GSE1: variants seen among roughly 807,000 people sequenced by gnomAD.
The protein encoded by GSE1 is Gse1 coiled-coil protein.
Under a neutral mutation model 112.6 loss-of-function variants are expected in GSE1, and 32 were observed. The observed-to-expected ratio is 0.28, with a 90% CI of 0.21 to 0.38. GSE1 has a LOEUF of 0.38. Ranked by LOEUF, GSE1 falls within the 10% of genes least tolerant of loss-of-function variation. GSE1 has a pLI of 1.00. For synonymous variants in GSE1, 1,115 were observed against 735.6 expected, an observed-to-expected ratio of 1.52 and a Z score of -8.35; for missense variants, 2,348 against 1,699.2, an observed-to-expected ratio of 1.38 and a Z score of -6.71.
chr16:85,361,406 C>T (rs1054940911), intron 2 of GSE1, among the ~76,000 whole-genome samples: 2 of 151,990 alleles, frequency 1.3e-5, no homozygotes, highest in Non-Finnish European at 2.9e-5. Context: ...CACAGACACA[C>T]ACACACAGGA....
chr16:85,296,963 G>T (rs892549624), intron 1 of GSE1, among the ~76,000 whole-genome samples: 1 of 152,214 alleles, frequency 6.6e-6, no homozygotes, highest in African/African-American at 2.4e-5. Flanking sequence ...GCCAGTGCCC[G>T]ATCTTTCCTC....
At chr16:85,238,147 G>T (rs1053261234) in intron 1 of GSE1, among the ~76,000 whole-genome samples, 2 of 152,150 alleles carry the variant, frequency 1.3e-5, no homozygotes, top group Non-Finnish European at 2.9e-5. Context: ...CTGGGGGTGG[G>T]TGGGTGCAGG....
At chr16:85,223,712 C>G (rs973578781) in intron 1 of GSE1, among the ~76,000 whole-genome samples, 1 of 151,846 alleles carries the variant, frequency 6.6e-6, no homozygotes, top group Non-Finnish European at 1.5e-5. Context: ...TCAAGCAATT[C>G]TCCTGCCTCA....
intron 2 of GSE1, among the ~76,000 whole-genome samples, chr16:85,476,666 C>T (rs554564929): frequency 1.3e-5 from 2 of 152,116 alleles, no homozygotes; most frequent in South Asian, 2.1e-4. Context: ...GACAGGGTCA[C>T]TCTGGCATCC....
chr16:85,316,717 C>T (rs963569675), intron 1 of GSE1, among the ~76,000 whole-genome samples: 3 of 152,236 alleles, frequency 2.0e-5, no homozygotes, highest in African/African-American at 4.8e-5. Context: ...GAGTCCCAAC[C>T]CCCATGGGGC....
upstream of GSE1, among the ~76,000 whole-genome samples, chr16:85,608,348 A>T (rs566628708): frequency 1.3e-5 from 2 of 151,998 alleles, no homozygotes; most frequent in East Asian, 3.9e-4. Flanking sequence ...TTGCCCCTGC[A>T]CCGGGGCTGG....
intron 2 of GSE1, among the ~76,000 whole-genome samples, chr16:85,462,441 A>G (rs1295158218): frequency 6.6e-6 from 1 of 151,784 alleles, no homozygotes; most frequent in East Asian, 2.0e-4. Flanking sequence ...CTGATGAAAA[A>G]TACAAAAGAA....
chr16:85,516,050 G>C (rs1025163959), intron 2 of GSE1, among the ~76,000 whole-genome samples: 8 of 152,204 alleles, frequency 5.3e-5, no homozygotes, highest in African/African-American at 1.9e-4. Context: ...TGGGAAAGGA[G>C]GCCTGGGGGT....
chr16:85,447,861 CA>C (rs1405799996), intron 2 of GSE1, among the ~76,000 whole-genome samples: 1 of 152,226 alleles, frequency 6.6e-6, no homozygotes, highest in Non-Finnish European at 1.5e-5. Flanking sequence ...GCCTCATCAG[CA>C]AAGGTCCAGA....
chr16:85,357,723 C>T (rs961605082), intron 2 of GSE1: 12 of 943,002 alleles, frequency 1.3e-5, no homozygotes, highest in South Asian at 7.0e-5. Flanking sequence ...CTCCCAGAGC[C>T]GAGTTCAGAT....
chr16:85,656,283 C>T (rs542612925), intron 6 of GSE1, 60 bp from the exon 7 acceptor site: 7 of 1,588,080 alleles, frequency 4.4e-6, no homozygotes, highest in African/African-American at 1.3e-5. Flanking sequence ...AAGGGCCTGC[C>T]CCAGGTCCGT....
At chr16:85,633,534 G>A (rs942849563) in intron 1 of GSE1, among the ~76,000 whole-genome samples, 15 of 152,288 alleles carry the variant, frequency 9.8e-5, no homozygotes, top group Admixed American at 5.2e-4. Context: ...CGGGCCGCAC[G>A]CCTCCTCCGC....
chr16:85,661,591 G>A lies in GSE1; in HGVS notation c.2086G>A (p.Ala696Thr). Reference protein sequence around the residue: ...LGQQRASLPQAATFGELSGPL... With the variant: ...LGQQRASLPQTATFGELSGPL... ...CCAGCAGCGGGCCTCCCTCCCACAG[G>A]CGGCCACCTTCGGGGAGCTCAGCGG... The change falls in exon 9 of 16, where the codon GCG becomes ACG. Residue 696 changes from alanine (A) to threonine (T), a missense_variant. Ala to Thr is a moderately conservative substitution (Grantham distance 58). Transcript: ENST00000253458. The A allele has an allele frequency of 1.2e-6, 2 of 1,610,350 alleles. No homozygotes were observed. The highest frequency in any genetic ancestry group is 1.7e-5 in the Admixed American group (1 of 59,828).
chr16:85,661,006 C>T (rs976693078), intron 8 of GSE1, 140 bp from the exon 9 acceptor site: 14 of 671,398 alleles, frequency 2.1e-5, no homozygotes, highest in African/African-American at 1.6e-4. Flanking sequence ...TGTGTGTCCC[C>T]TCCCTGCAGC....
intron 1 of GSE1, among the ~76,000 whole-genome samples, chr16:85,183,076 C>T (rs2074626146): frequency 6.6e-6 from 1 of 152,170 alleles, no homozygotes; most frequent in African/African-American, 2.4e-5. Flanking sequence ...CACACCTGTG[C>T]CCACACACTC....
chr16:85,226,512 G>A (rs1035180311), intron 1 of GSE1, among the ~76,000 whole-genome samples: 4 of 152,204 alleles, frequency 2.6e-5, no homozygotes, highest in African/African-American at 7.2e-5. Flanking sequence ...CAGCCAGATG[G>A]CCTTGGTCGG....
chr16:85,665,554 C>T (rs117823736), intron 12 of GSE1, among the ~76,000 whole-genome samples: 3 of 151,788 alleles, frequency 2.0e-5, no homozygotes, highest in East Asian at 4.0e-4. Flanking sequence ...ACTCTGCCCT[C>T]TGGGCCCTGC....
intron 1 of GSE1, among the ~76,000 whole-genome samples, chr16:85,231,391 GA>G (rs943413353): frequency 1.0e-4 from 15 of 150,422 alleles, no homozygotes; most frequent in African/African-American, 2.5e-5. Context: ...GATGATGATG[GA>G]TGGATAGCTG....
intron 2 of GSE1, among the ~76,000 whole-genome samples, chr16:85,429,537 G>A (rs754289219): frequency 2.0e-5 from 3 of 152,196 alleles, no homozygotes; most frequent in Non-Finnish European, 4.4e-5. Flanking sequence ...TGGCTCCCAT[G>A]TCCCTGGGGA....
Sources: gnomAD v4.1 joint callset for allele counts (sites outside exome capture counted in the v4.1 genomes callset) on GRCh38, gnomAD v4.1.1 for gene constraint, MANE v1.5 for transcripts, NCBI Gene and HGNC (gene_info 2026-07-23, HGNC 2026-07-21) for gene names.